The following TMLHE variants were observed in gnomAD, a reference collection of about 807,000 sequenced individuals.
The protein encoded by TMLHE is trimethyllysine dioxygenase, mitochondrial.
In TMLHE, 18 loss-of-function variants were observed where a neutral mutation model predicts 25.7. That is an observed-to-expected ratio of 0.70 (90% confidence interval 0.48 to 1.04). The LOEUF is 1.04. Ranked by LOEUF, TMLHE falls within the 50% of genes least tolerant of loss-of-function variation. TMLHE has a pLI of 0.00. For missense variants in TMLHE, 236 were observed against 259.0 expected (o/e 0.91, Z 0.61); for synonymous variants, 105 against 97.0 (o/e 1.08, Z -0.49).
intron 1 of TMLHE, among the ~76,000 whole-genome samples, chrX:155,580,899 A>C (rs782760141): frequency 5.4e-5 from 6 of 112,101 alleles, no homozygotes; most frequent in African/African-American, 1.6e-4. Flanking sequence ...AATATCCCTA[A>C]TGAACATCGA....
intron 2 of TMLHE, among the ~76,000 whole-genome samples, chrX:155,530,777 T>C (rs1432366883): frequency 1.8e-5 from 2 of 112,576 alleles, no homozygotes; most frequent in African/African-American, 6.5e-5. Context: ...TATTTTAGCA[T>C]GGGGTGCTCC....
At chrX:155,507,355 TA>T (rs1255259281) in intron 5 of TMLHE, among the ~76,000 whole-genome samples, 1 of 110,029 alleles carries the variant, frequency 9.1e-6, no homozygotes, top group Admixed American at 9.9e-5. Context: ...ATATCTAACA[TA>T]TATTGAAGCT....
intron 4 of TMLHE, among the ~76,000 whole-genome samples, chrX:155,513,502 T>C (rs1421668909): frequency 7.2e-5 from 8 of 111,009 alleles, no homozygotes; most frequent in African/African-American, 2.6e-4. Context: ...TATATAGCCT[T>C]TTAAGGCAGT....
intron 2 of TMLHE, among the ~76,000 whole-genome samples, chrX:155,533,439 AAC>A (rs2067261341): frequency 8.9e-6 from 1 of 111,898 alleles, no homozygotes; most frequent in African/African-American, 3.3e-5. Context: ...TTCTCTGGAG[AAC>A]ACTGACTAAT....
chrX:155,542,067 T>C (rs5940475), intron 2 of TMLHE, among the ~76,000 whole-genome samples: 2,886 of 111,604 alleles, frequency 0.026, 50 homozygotes, highest in South Asian at 0.041. Flanking sequence ...CATTTGTCTA[T>C]TTTGGCTTTT....
chrX:155,595,771 AG>A (rs1369395432), intron 1 of TMLHE, among the ~76,000 whole-genome samples: 5 of 112,021 alleles, frequency 4.5e-5, no homozygotes, highest in Admixed American at 3.8e-4. Context: ...ATATGATTTG[AG>A]GAAAACTGAA....
intron 3 of TMLHE, among the ~76,000 whole-genome samples, chrX:155,519,327 G>A (rs2067179547): frequency 2.0e-4 from 1 of 4,995 alleles, no homozygotes; most frequent in Admixed American, 2.5e-3. Flanking sequence ...GTAGTTGAGC[G>A]GCTTTGAGTG....
At chrX:155,598,748 G>C (rs192937424) in intron 1 of TMLHE, among the ~76,000 whole-genome samples, 1 of 110,650 alleles carries the variant, frequency 9.0e-6, no homozygotes, top group Non-Finnish European at 1.9e-5. Flanking sequence ...CAGAAGAAGG[G>C]TTCTGATTAT....
At position 155,534,919 on chromosome X, in the gene TMLHE, GA is replaced by G. The variant is rs782335039; in HGVS notation, c.181+10176del. ...AGACTTTGGGAGATAATTAGGCCAT[GA>G]AGGTAGATTCCTCATGATGGTATTA... On this transcript the variant is annotated intron_variant, in intron 2 of 7. Transcript: ENST00000334398. Among the ~76,000 whole-genome samples, 9 of 111,758 alleles carry G rather than the reference GA, an allele frequency of 8.1e-5. No individual in the cohort carries two copies. In the East Asian group the frequency reaches 2.0e-3, roughly 25 times the overall value.
At chrX:155,558,423 A>G (rs1254123177) in intron 1 of TMLHE, among the ~76,000 whole-genome samples, 2 of 111,729 alleles carry the variant, frequency 1.8e-5, no homozygotes, top group African/African-American at 6.5e-5. Flanking sequence ...TGATATGTTT[A>G]TATGTCTTTC....
chrX:155,580,017 C>A lies in TMLHE; in HGVS notation c.-2+32775G>T, dbSNP rs1455881385. ...GCTCTTATACAGCAAAATAATTAAT[C>A]AACCAGGTGCACAGACAACCTGGAG... On this transcript the variant is annotated intron_variant, in intron 1 of 7. Transcript: ENST00000334398. Among the ~76,000 whole-genome samples the A allele has an allele frequency of 8.2e-5, 9 of 110,014 alleles. No individual in the cohort carries two copies. In the East Asian group the frequency reaches 2.6e-3, roughly 31 times the overall value.
At chrX:155,580,138 A>G (rs2124471310) in intron 1 of TMLHE, among the ~76,000 whole-genome samples, 1 of 111,712 alleles carries the variant, frequency 9.0e-6, no homozygotes, top group East Asian at 2.8e-4. Flanking sequence ...CAACTCAACA[A>G]CAACAAAGAA....
intron 1 of TMLHE, among the ~76,000 whole-genome samples, chrX:155,591,788 T>C (rs114216114): frequency 0.029 from 3,249 of 111,509 alleles, 111 homozygotes; most frequent in African/African-American, 0.097. Context: ...AACATTGTAA[T>C]GGTTCCTAAA....
At chrX:155,528,082 G>T (rs2067229658) in intron 2 of TMLHE, among the ~76,000 whole-genome samples, 1 of 110,689 alleles carries the variant, frequency 9.0e-6, no homozygotes, top group Non-Finnish European at 1.9e-5. Context: ...AAACCAAAAT[G>T]TGATACCATT....
At chrX:155,546,525 T>C (rs151240263) in intron 1 of TMLHE, among the ~76,000 whole-genome samples, 33 of 110,906 alleles carry the variant, frequency 3.0e-4, no homozygotes, top group African/African-American at 8.8e-4. Context: ...TGTGTGTGTG[T>C]GCGCGCATGC....
At chrX:155,530,327 A>G (rs1396494407) in intron 2 of TMLHE, among the ~76,000 whole-genome samples, 1 of 111,503 alleles carries the variant, frequency 9.0e-6, no homozygotes, top group Non-Finnish European at 1.9e-5. Flanking sequence ...ACAGAAAAAA[A>G]ATTTGCATGA....
At chrX:155,549,888 C>G (rs983038816) in intron 1 of TMLHE, among the ~76,000 whole-genome samples, 6 of 109,390 alleles carry the variant, frequency 5.5e-5, no homozygotes, top group Non-Finnish European at 9.5e-5. Flanking sequence ...CCCCACTCCC[C>G]GAGAGGCCCC....
chrX:155,548,462 A>AGGCCAGGTG (rs2067372820), intron 1 of TMLHE, among the ~76,000 whole-genome samples: 1 of 109,191 alleles, frequency 9.2e-6, no homozygotes, highest in Non-Finnish European at 1.9e-5. Context: ...CAGGCTGGGC[A>AGGCCAGGTG]CGGTGGCTCA....
At chrX:155,525,847 G>T (rs147588970) in intron 2 of TMLHE, among the ~76,000 whole-genome samples, 2 of 112,237 alleles carry the variant, frequency 1.8e-5, no homozygotes, top group Non-Finnish European at 3.8e-5. Flanking sequence ...ATGATTTAGG[G>T]TATCTGGCAG....
Sources: gnomAD v4.1 joint callset for allele counts (sites outside exome capture counted in the v4.1 genomes callset) on GRCh38, gnomAD v4.1.1 for gene constraint, MANE v1.5 for transcripts, NCBI Gene and HGNC (gene_info 2026-07-23, HGNC 2026-07-21) for gene names.